Variants in MAPKAPK2 observed in about 807,000 individuals in gnomAD.
MAPKAPK2 encodes the protein MAPK activated protein kinase 2.
A neutral mutation model predicts 48.8 loss-of-function variants in MAPKAPK2; 9 were observed. That is an observed-to-expected ratio of 0.18 (90% CI 0.11 to 0.32). The LOEUF (loss-of-function observed/expected upper bound fraction) is 0.32, where lower values mean the gene tolerates loss of function less well. Among genes scored for constraint, MAPKAPK2 ranks in the 10% least tolerant of loss-of-function variants. The pLI is 1.00. For missense variants in MAPKAPK2, 331 were observed against 498.3 expected (o/e 0.66, Z 3.20); for synonymous variants, 202 against 190.6 (o/e 1.06, Z -0.49).
rs1572490460 is a variant in MAPKAPK2, at chr1:206,704,606, G to A, written c.279+19098G>A. ...CTAGGGGCTGATATCTGTCCGTGGT[G>A]ACATAAGCACACATGATCTGCAGTC... On this transcript the variant is annotated intron_variant, in intron 1 of 9. Transcript: ENST00000367103. This position sits in a 1 kb window ranked among gnomAD's most constrained non-coding sequence, Gnocchi z 4.3. 1.3e-5 allele frequency among the ~76,000 whole-genome samples: 2 copies of A among 152,324 alleles called. No individual in the cohort carries two copies. Among genetic ancestry groups the A allele is most frequent in the Admixed American group, 6.5e-5 (1 of 15,304 alleles).
intron 1 of MAPKAPK2, among the ~76,000 whole-genome samples, chr1:206,709,472 A>G (rs1375270115): frequency 6.6e-6 from 1 of 152,198 alleles, no homozygotes; most frequent in Non-Finnish European, 1.5e-5. Context: ...TGAGCTAGGT[A>G]CTTGATCTGT....
rs1404484929 is a variant in MAPKAPK2, at chr1:206,684,931, G to C, written c.-299G>C. The C allele has an allele frequency of 6.6e-6, 1 of 151,598 alleles. No individual in the cohort carries two copies. The highest frequency in any genetic ancestry group is 1.5e-5 in the Non-Finnish European group (1 of 68,014). The allele number at this position is 151,598 out of a possible 1,614,324, so 9.4% of individuals were successfully genotyped here. On this transcript the variant is annotated 5_prime_UTR_variant, in exon 1 of 10. Coordinates refer to ENST00000367103, the MANE Select transcript of MAPKAPK2 (RefSeq NM_032960.4). ...TGACGCGGCCGCCGGCCCGGGGCTG[G>C]GTACATTGTCGCGCGGCCGCTTCCC...
intron 1 of MAPKAPK2, among the ~76,000 whole-genome samples, chr1:206,714,498 C>T (rs530935174): frequency 1.3e-5 from 2 of 151,980 alleles, no homozygotes; most frequent in African/African-American, 2.4e-5. Context: ...CGCAGTGGCT[C>T]ATGCTGGTAA....
rs1353118589 is a variant in MAPKAPK2 at position 206,704,423 on chromosome 1, C to A, written c.279+18915C>A. Among the ~76,000 whole-genome samples, 1 of 152,158 alleles carries A rather than the reference C, an allele frequency of 6.6e-6. No individual in the cohort carries two copies. Among genetic ancestry groups the A allele is most frequent in the Admixed American group, 6.5e-5 (1 of 15,280 alleles). Reference sequence around the variant, plus strand: ...GTGGTGGTGGCTCAGCTCACCCAGACCATGTGTGATGGTTATGGTGGTGAC... The same window carrying A: ...GTGGTGGTGGCTCAGCTCACCCAGAACATGTGTGATGGTTATGGTGGTGAC... On this transcript the variant is annotated intron_variant, in intron 1 of 9. Coordinates refer to ENST00000367103, the MANE Select transcript of MAPKAPK2 (RefSeq NM_032960.4). The surrounding 1 kb of genome is among the most constrained non-coding windows in gnomAD (Gnocchi z 4.3).
chr1:206,707,717 T>TG (rs1197131140), intron 1 of MAPKAPK2, among the ~76,000 whole-genome samples: 3 of 152,056 alleles, frequency 2.0e-5, no homozygotes, highest in African/African-American at 7.2e-5. Flanking sequence ...TGTGGGGGTT[T>TG]GGGGGTAGGG....
chr1:206,729,818 A>C (rs1294913352), intron 4 of MAPKAPK2, among the ~76,000 whole-genome samples, 154 bp from the exon 5 acceptor site: 1 of 152,242 alleles, frequency 6.6e-6, no homozygotes, highest in African/African-American at 2.4e-5. Context: ...GCACCTGCCC[A>C]TAGAGAGCTG....
At chr1:206,718,301 G>T (rs1424115161) in intron 1 of MAPKAPK2, among the ~76,000 whole-genome samples, 5 of 152,206 alleles carry the variant, frequency 3.3e-5, no homozygotes, top group Non-Finnish European at 7.3e-5. Flanking sequence ...GGAGGCCGAG[G>T]CGGGCAGATC....
In MAPKAPK2 at chr1:206,732,325, C is replaced by A; in HGVS notation, c.1060-250C>A. 1 of 1,444,314 alleles carries A rather than the reference C, an allele frequency of 6.9e-7. No individual in the cohort carries two copies. The highest frequency in any genetic ancestry group is 2.8e-5 in the Admixed American group (1 of 35,722). The allele number at this position is 1,444,314 out of a possible 1,614,324, so 89.5% of individuals were successfully genotyped here. ...CTGGCCCAAGTCTCTTCCTCCTATC[C>A]TGCGGGATCACTGGGGGGCTCTCAG... On this transcript the variant is annotated intron_variant, in intron 9 of 9. Coordinates refer to ENST00000367103, the MANE Select transcript of MAPKAPK2 (RefSeq NM_032960.4). This position sits in a 1 kb window ranked among gnomAD's most constrained non-coding sequence, Gnocchi z 4.4.
chr1:206,730,472 T>C (rs1309538751), intron 5 of MAPKAPK2, among the ~76,000 whole-genome samples: 2 of 152,170 alleles, frequency 1.3e-5, no homozygotes, highest in Non-Finnish European at 2.9e-5. Context: ...CAGTTCAGGA[T>C]TTTTAGAATC....
At chr1:206,710,685 C>G (rs1673115642) in intron 1 of MAPKAPK2, among the ~76,000 whole-genome samples, 1 of 152,190 alleles carries the variant, frequency 6.6e-6, no homozygotes, top group Non-Finnish European at 1.5e-5. Flanking sequence ...CAGAAGGAAA[C>G]TTCACATTAA....
At chr1:206,720,491 G>T (rs782715467) in intron 1 of MAPKAPK2, among the ~76,000 whole-genome samples, 4 of 152,106 alleles carry the variant, frequency 2.6e-5, no homozygotes, top group Non-Finnish European at 4.4e-5. Context: ...AGCTGGGATT[G>T]CTTACAGGTG....
In MAPKAPK2 at chr1:206,707,871, G is replaced by A. The variant is rs149019888; in HGVS notation, c.280-20839G>A. The stretch of plus-strand genomic sequence containing the variant: ...TGTAACAGGAGACTTCTTGCATTTT[G>A]CCTATGTGAAACCAGCTGGATTTTG... On this transcript the variant is annotated intron_variant, in intron 1 of 9. Coordinates refer to ENST00000367103, the MANE Select transcript of MAPKAPK2 (RefSeq NM_032960.4). Among the ~76,000 whole-genome samples the A allele has an allele frequency of 3.3e-5, 5 of 152,306 alleles. No homozygotes were observed. In the East Asian group the frequency reaches 9.6e-4, roughly 29 times the overall value.
chr1:206,730,055 C>T lies in MAPKAPK2; in HGVS notation c.648C>T (p.Ser216=). The T allele has an allele frequency of 6.2e-7, 1 of 1,614,238 alleles. No homozygotes were observed. The highest frequency in any genetic ancestry group is 8.5e-7 in the Non-Finnish European group (1 of 1,180,032). Residue 216 remains serine (S), a synonymous_variant, in exon 5 of 10, where the codon AGC becomes AGT. Coordinates refer to ENST00000367103, the MANE Select transcript of MAPKAPK2 (RefSeq NM_032960.4). ...TDFGFAKETT[S]HNSLTTPCYT... is the part of the protein sequence containing the mutation. ...TTGGCTTTGCCAAGGAAACCACCAG[C>T]CACAACTCTTTGACCACTCCTTGTT...
rs1673911442 is a variant in MAPKAPK2 at position 206,731,537 on chromosome 1, T to C, written c.893-103T>C. 2.6e-6 allele frequency: 3 copies of C among 1,165,010 alleles called. No individual in the cohort carries two copies. The highest frequency in any genetic ancestry group is 2.3e-5 in the East Asian group (1 of 42,640). The allele number at this position is 1,165,010 out of a possible 1,614,324, so 72.2% of individuals were successfully genotyped here. Reference sequence around the variant, plus strand: ...CAGTTGCTCCGGCAGCCTGCCTCCATGCACCCCCTCTTTGAACCTGGTTTC... The same window carrying C: ...CAGTTGCTCCGGCAGCCTGCCTCCACGCACCCCCTCTTTGAACCTGGTTTC... On this transcript the variant is annotated intron_variant, in intron 7 of 9. Transcript: ENST00000367103. This position sits in a 1 kb window ranked among gnomAD's most constrained non-coding sequence, Gnocchi z 5.9.
rs370859011 is a variant in MAPKAPK2 at position 206,721,412 on chromosome 1, G to C, written c.280-7298G>C. Among the ~76,000 whole-genome samples, 31 of 152,264 alleles carry C rather than the reference G, an allele frequency of 2.0e-4. 1 individual carries two copies. Among genetic ancestry groups the C allele is most frequent in the African/African-American group, 7.0e-4 (29 of 41,538 alleles). ...AAGTTTGTTAGCTATTTCTAGTAAA[G>C]GTAAATAACTCTTGAGATGTATATT... On this transcript the variant is annotated intron_variant, in intron 1 of 9. Transcript: ENST00000367103.
At position 206,685,016 on chromosome 1, in the gene MAPKAPK2, G is replaced by C. The variant is rs1398891223; in HGVS notation, c.-214G>C. On this transcript the variant is annotated 5_prime_UTR_variant, in exon 1 of 10. Coordinates refer to ENST00000367103, the MANE Select transcript of MAPKAPK2 (RefSeq NM_032960.4). The stretch of plus-strand genomic sequence containing the variant: ...AGCGCCAGGCCCCCGGGGGGAGGGA[G>C]GGAGGGCGCCGGGCCGGTGGGAGCC... 1 of 159,832 alleles carries C rather than the reference G, an allele frequency of 6.3e-6. No homozygotes were observed. Among genetic ancestry groups the C allele is most frequent in the Non-Finnish European group, 1.4e-5 (1 of 74,044 alleles). The allele number at this position is 159,832 out of a possible 1,614,324, so 9.9% of individuals were successfully genotyped here.
intron 1 of MAPKAPK2, 134 bp downstream of exon 1, chr1:206,685,642 C>G: frequency 1.6e-6 from 1 of 638,772 alleles, no homozygotes; most frequent in Non-Finnish European, 1.9e-6. Flanking sequence ...GCGGGGCGGC[C>G]GGGCCGGCGG....
Position 206,731,840 on chromosome 1 carries a change from A to G in MAPKAPK2, c.980A>G (p.Gln327Arg), listed in dbSNP as rs1292139600. 1.9e-6 allele frequency: 3 copies of G among 1,614,060 alleles called. No homozygotes were observed. The highest frequency in any genetic ancestry group is 2.5e-6 in the Non-Finnish European group (3 of 1,179,996). Residue 327 changes from glutamine to arginine, a missense_variant and splice_region_variant, in exon 9 of 10, where the codon CAA becomes CGA. Transcript: ENST00000367103. The surrounding 1 kb of genome is among the most constrained non-coding windows in gnomAD (Gnocchi z 5.9). ...TEFMNHPWIM[Q>R]STKVPQTPLH... is the part of the protein sequence containing the mutation. The stretch of plus-strand genomic sequence containing the variant: ...CGGACCCCTTTTCTCTCTTCTCAGC[A>G]ATCAACAAAGGTCCCTCAAACCCCA...
rs1672256921 is a variant in MAPKAPK2, at chr1:206,685,458, A to G, written c.229A>G (p.Lys77Glu). 3 of 1,541,838 alleles carry G rather than the reference A, an allele frequency of 1.9e-6. No individual in the cohort carries two copies. Among genetic ancestry groups the G allele is most frequent in the South Asian group, 2.3e-5 (2 of 87,324 alleles). Reference sequence around the variant, plus strand: ...GGTCCTGGGGCTGGGCATCAACGGCAAAGTTTTGCAGATCTTCAACAAGAG... The same window carrying G: ...GGTCCTGGGGCTGGGCATCAACGGCGAAGTTTTGCAGATCTTCAACAAGAG... ...SQVLGLGING[K>E]VLQIFNKRTQ... Residue 77 changes from lysine (K) to glutamate (E), a missense_variant, in exon 1 of 10, where the codon AAA (lysine) becomes GAA (glutamate). Around this residue, in one of 4 missense-constraint regions of MAPKAPK2, gnomAD observed 93 missense variants for 81.0 expected, o/e 1.15. Transcript: ENST00000367103.
Sources: gnomAD v4.1 joint callset for allele counts (sites outside exome capture counted in the v4.1 genomes callset) on GRCh38, gnomAD v4.1.1 for gene constraint, gnomAD v4.1.1 regional missense constraint, Gnocchi (gnomAD v3.1) non-coding constraint, MANE v1.5 for transcripts, NCBI Gene and HGNC (gene_info 2026-07-23, HGNC 2026-07-21) for gene names.